Variants in ABR observed in about 807,000 individuals in gnomAD.
The protein encoded by ABR is active breakpoint cluster region-related protein.
ABR carries 35 observed loss-of-function variants against 107.2 expected under a neutral mutation model. That is an observed-to-expected ratio of 0.33 (90% CI 0.25 to 0.43). The LOEUF (loss-of-function observed/expected upper bound fraction) is 0.43, where lower values mean the gene tolerates loss of function less well. Among genes scored for constraint, ABR ranks in the 20% least tolerant of loss-of-function variants. The pLI is 1.00. For synonymous variants in ABR, 498 were observed against 462.0 expected (o/e 1.08, Z -1.00); for missense variants, 815 against 1,115.2 (o/e 0.73, Z 3.83).
Position 1,154,030 on chromosome 17 carries a change from C to T in ABR, c.61+25637G>A, listed in dbSNP as rs145127653. 266 of 155,960 alleles carry T rather than the reference C, an allele frequency of 1.7e-3. 2 individuals are homozygous for T. Among genetic ancestry groups the T allele is most frequent in the Middle Eastern group, 6.4e-3 (2 of 314 alleles). 9.7% of individuals were successfully genotyped at this position (155,960 alleles called of 1,614,324 possible). A position where few individuals can be genotyped will look rare whatever the true frequency, so the allele number is the denominator to read the frequency against. On this transcript the variant is annotated intron_variant, in intron 1 of 22. Transcript: ENST00000302538. This position sits in a 1 kb window ranked among gnomAD's most constrained non-coding sequence, Gnocchi z 4.0. ...ACATGGCTCTGCTCCCACTCGGGGG[C>T]GGGCGCGTGGGAGGACCAACGAAGA...
chr17:1,006,414 G>A (rs1307040974), intron 22 of ABR, among the ~76,000 whole-genome samples: 2 of 152,156 alleles, frequency 1.3e-5, no homozygotes, highest in Non-Finnish European at 2.9e-5. Context: ...GCCACAGTCC[G>A]GCCCCTGCTC....
intron 16 of ABR, among the ~76,000 whole-genome samples, chr17:1,024,098 G>A (rs902693391): frequency 1.5e-4 from 23 of 148,620 alleles, no homozygotes; most frequent in Non-Finnish European, 3.4e-4. Context: ...CCCTGCCCGG[G>A]CCCAGAACAC....
Position 1,033,758 on chromosome 17 carries a change from G to A in ABR, c.1791+16292C>T, listed in dbSNP as rs113201082. 6.5e-3 allele frequency among the ~76,000 whole-genome samples: 988 copies of A among 152,256 alleles called. 10 individuals are homozygous for A. The highest frequency in any genetic ancestry group is 0.022 in the African/African-American group (934 of 41,546). ...GAGCCACAACAGCCTCACCAGCACC[G>A]CCTGAGGGGGAGGTGGAGAGACGGA... On this transcript the variant is annotated intron_variant, in intron 16 of 22. Coordinates refer to ENST00000302538, the MANE Select transcript of ABR (RefSeq NM_021962.5).
rs1567785014 is a variant in ABR, at chr17:1,116,590, GTA to G, written c.246+8591_246+8592del. The stretch of plus-strand genomic sequence containing the variant: ...AGCAAGATCCCAGCCAGGTGTGAAT[GTA>G]GGAGGGCCAGAGAGGACGGGAGCCA... On this transcript the variant is annotated intron_variant, in intron 2 of 22. Transcript: ENST00000302538. Among the ~76,000 whole-genome samples the G allele has an allele frequency of 1.5e-4, 23 of 151,998 alleles. No homozygotes were observed. In the East Asian group the frequency reaches 4.3e-3, roughly 28 times the overall value.
At chr17:1,164,598 G>A (rs1441297637) in intron 1 of ABR, among the ~76,000 whole-genome samples, 1 of 152,218 alleles carries the variant, frequency 6.6e-6, no homozygotes, top group Non-Finnish European at 1.5e-5. Flanking sequence ...GACGCCCAGT[G>A]AACATGAACG....
rs897559407 is a variant in ABR, at chr17:1,179,786, G to A, written c.-59C>T. 33 of 1,296,498 alleles carry A rather than the reference G, an allele frequency of 2.5e-5. 2 individuals carry two copies. Among genetic ancestry groups the A allele is most frequent in the Admixed American group, 8.9e-5 (3 of 33,856 alleles). 80.3% of individuals were successfully genotyped at this position (1,296,498 alleles called of 1,614,324 possible). On this transcript the variant is annotated 5_prime_UTR_variant, in exon 1 of 23. Transcript: ENST00000302538. The surrounding 1 kb of genome is among the most constrained non-coding windows in gnomAD (Gnocchi z 4.9). ...GACCCTCATCGCGCAACAAAGGAGG[G>A]AGAGCGGGCGGGAGCCGGGGGAGGC...
chr17:1,193,604 AG>A (rs35120765), intron 1 of ABR, among the ~76,000 whole-genome samples: 78,229 of 151,922 alleles, frequency 0.51, 22,107 homozygotes, highest in Middle Eastern at 0.65. Flanking sequence ...ACATTCACTC[AG>A]GAAGAGCTCG....
At position 1,012,583 on chromosome 17, in the gene ABR, T is replaced by G. The variant is rs1257066924; in HGVS notation, c.1961+105A>C. ...CTGCCACCGCCGAGCGGGGGGTAAC[T>G]GATTAGGTGCCAGGATGGGCACCGG... On this transcript the variant is annotated intron_variant, in intron 18 of 22. Coordinates refer to ENST00000302538, the MANE Select transcript of ABR (RefSeq NM_021962.5). 4.8e-6 allele frequency: 4 copies of G among 833,372 alleles called. No homozygotes were observed. The African/African-American group carries it at 6.8e-5, about 14-fold the overall frequency. 51.6% of individuals were successfully genotyped at this position (833,372 alleles called of 1,614,324 possible). A position where few individuals can be genotyped will look rare whatever the true frequency, so the allele number is the denominator to read the frequency against.
intron 1 of ABR, among the ~76,000 whole-genome samples, chr17:1,218,776 G>A (rs2043059844): frequency 6.6e-6 from 1 of 152,192 alleles, no homozygotes; most frequent in African/African-American, 2.4e-5. Flanking sequence ...TGCTGTAAGT[G>A]ATGAGTAGGT....
chr17:1,024,783 CAAAA>C (rs57876178), intron 16 of ABR, among the ~76,000 whole-genome samples: 64 of 92,746 alleles, frequency 6.9e-4, no homozygotes, highest in Middle Eastern at 8.5e-3. Context: ...GAGACTCCCA[CAAAA>C]AAAAAAAAAA....
intron 1 of ABR, among the ~76,000 whole-genome samples, chr17:1,168,392 G>A (rs111904676): frequency 2.6e-5 from 4 of 152,208 alleles, no homozygotes; most frequent in African/African-American, 9.6e-5. Flanking sequence ...GCCAGTGCTC[G>A]AATCAGGCCT....
chr17:1,006,087 T>C lies in ABR; in HGVS notation c.2573A>G (p.Asp858Gly), dbSNP rs1480582957. ...CAGCCACCCTGCCTCGGGCTACACGTCGGTGGAGAAGTACAGTGTGTTCCG... is the reference window on the plus strand; with the variant it reads ...CAGCCACCCTGCCTCGGGCTACACGCCGGTGGAGAAGTACAGTGTGTTCCG... ...LKRNTLYFST[D>G]V The change falls in exon 23 of 23, where the codon GAC becomes GGC. Residue 858 changes from aspartate (D) to glycine (G), a missense_variant. Transcript: ENST00000302538. 5.1e-6 allele frequency: 8 copies of C among 1,568,518 alleles called. No individual in the cohort carries two copies. The highest frequency in any genetic ancestry group is 6.9e-6 in the Non-Finnish European group (8 of 1,156,502).
intron 2 of ABR, among the ~76,000 whole-genome samples, chr17:1,119,903 G>A (rs1360807227): frequency 6.4e-5 from 9 of 141,562 alleles, no homozygotes; most frequent in Non-Finnish European, 1.2e-4. Flanking sequence ...CTATTATTAA[G>A]AGATGGAGTC....
At chr17:1,106,169 A>G (rs1396606662) in intron 2 of ABR, among the ~76,000 whole-genome samples, 1 of 145,114 alleles carries the variant, frequency 6.9e-6, no homozygotes, top group Non-Finnish European at 1.5e-5. Flanking sequence ...TTTGGAGAAA[A>G]CTGCAGCCAA....
chr17:1,145,791 C>T (rs2040503001), intron 1 of ABR, among the ~76,000 whole-genome samples: 3 of 152,230 alleles, frequency 2.0e-5, no homozygotes, highest in Admixed American at 2.0e-4. Context: ...CCTTCAATCC[C>T]AGAGCCACGC....
intron 1 of ABR, among the ~76,000 whole-genome samples, chr17:1,134,109 A>G (rs1411813291): frequency 6.6e-6 from 1 of 152,126 alleles, no homozygotes; most frequent in East Asian, 1.9e-4. Context: ...GTGAAACCCC[A>G]TCTCTACAGA....
chr17:1,137,559 C>T (rs115327400), intron 1 of ABR, among the ~76,000 whole-genome samples: 3 of 152,034 alleles, frequency 2.0e-5, no homozygotes, highest in Admixed American at 1.3e-4. Context: ...CTGTGGTGCC[C>T]AAAACAATGA....
At chr17:1,136,565 A>G (rs1017338268) in intron 1 of ABR, among the ~76,000 whole-genome samples, 2 of 152,090 alleles carry the variant, frequency 1.3e-5, no homozygotes, top group African/African-American at 4.8e-5. Context: ...CTTCCTTTAC[A>G]GTCTTTGCTA....
Position 1,027,942 on chromosome 17 carries a change from A to G in ABR, c.1792-14778T>C, listed in dbSNP as rs1283220524. Among the ~76,000 whole-genome samples, 2 of 151,898 alleles carry G rather than the reference A, an allele frequency of 1.3e-5. No individual in the cohort carries two copies. The highest frequency in any genetic ancestry group is 3.9e-4 in the East Asian group (2 of 5,174). On this transcript the variant is annotated intron_variant, in intron 16 of 22. Coordinates refer to ENST00000302538, the MANE Select transcript of ABR (RefSeq NM_021962.5). The surrounding 1 kb of genome is among the most constrained non-coding windows in gnomAD (Gnocchi z 4.7). ...TGTATCTTGTACCCAGCACCTGTGTACCCTCGATGGCCAAGTGAGTGGTAG... is the reference window on the plus strand; with the variant it reads ...TGTATCTTGTACCCAGCACCTGTGTGCCCTCGATGGCCAAGTGAGTGGTAG...
Sources: gnomAD v4.1 joint callset for allele counts (sites outside exome capture counted in the v4.1 genomes callset) on GRCh38, gnomAD v4.1.1 for gene constraint, Gnocchi (gnomAD v3.1) non-coding constraint, MANE v1.5 for transcripts, NCBI Gene and HGNC (gene_info 2026-07-23, HGNC 2026-07-21) for gene names.